Variants in PTK7 observed in about 807,000 individuals in gnomAD.
The protein encoded by PTK7 is inactive tyrosine-protein kinase 7.
PTK7 carries 39 observed loss-of-function variants against 116.6 expected under a neutral mutation model. The observed-to-expected ratio is 0.33, with a 90% confidence interval of 0.26 to 0.44. PTK7 has a LOEUF of 0.44. Ranked by LOEUF, PTK7 falls within the 20% of genes least tolerant of loss-of-function variation. PTK7 has a pLI of 1.00. For missense variants in PTK7, 1,169 were observed against 1,425.6 expected, an observed-to-expected ratio of 0.82 and a Z score of 2.90; for synonymous variants, 546 against 563.6, an observed-to-expected ratio of 0.97 and a Z score of 0.44.
chr6:43,080,954 T>TACAC (rs59525398), intron 1 of PTK7, among the ~76,000 whole-genome samples: 21,031 of 148,214 alleles, frequency 0.14, 2,010 homozygotes, highest in African/African-American at 0.27. Flanking sequence ...AAAAAAAAAA[T>TACAC]ACACACACAC....
rs370981773 is a variant in PTK7 at position 43,141,868 on chromosome 6, C to T, written c.1768+51C>T. The stretch of plus-strand genomic sequence containing the variant: ...CTGGGAGGGCCCTCTGGGGTAGCAC[C>T]GTGTACCCTGCCAGCCCCTTGGCTT... On this transcript the variant is annotated intron_variant, in intron 11 of 19. Coordinates refer to ENST00000230419, the MANE Select transcript of PTK7 (RefSeq NM_002821.5). This position sits in a 1 kb window ranked among gnomAD's most constrained non-coding sequence, Gnocchi z 4.9. The T allele has an allele frequency of 1.4e-5, 22 of 1,600,930 alleles. No individual in the cohort carries two copies. The highest frequency in any genetic ancestry group is 6.7e-5 in the Admixed American group (4 of 59,522).
intron 1 of PTK7, among the ~76,000 whole-genome samples, chr6:43,121,276 G>A (rs1456109889): frequency 6.6e-6 from 1 of 152,180 alleles, no homozygotes; most frequent in African/African-American, 2.4e-5. Flanking sequence ...GGCCTCCTGG[G>A]AGTGGGACAG....
Position 43,132,058 on chromosome 6 carries a change from TCTG to T in PTK7, c.862_864del (p.Leu288del). ...GAGCCACAGTGTTTGCCAACGGGTC[TCTG>T]CTGCTGACCCAGGTCCGGCCACGCA... On this transcript the variant is annotated inframe_deletion, in exon 6 of 20. Transcript: ENST00000230419. 1.2e-6 allele frequency: 2 copies of T among 1,614,106 alleles called. No individual in the cohort carries two copies. The highest frequency in any genetic ancestry group is 1.7e-6 in the Non-Finnish European group (2 of 1,180,038).
intron 1 of PTK7, among the ~76,000 whole-genome samples, chr6:43,107,850 A>T (rs1767978476): frequency 6.6e-6 from 1 of 152,230 alleles, no homozygotes; most frequent in Non-Finnish European, 1.5e-5. Context: ...CGGGCGAGGC[A>T]TCTGCCATGG....
At chr6:43,122,533 C>A (rs116361919) in intron 1 of PTK7, among the ~76,000 whole-genome samples, 1,527 of 152,186 alleles carry the variant, frequency 0.01, 23 homozygotes, top group African/African-American at 0.035. Flanking sequence ...CCACCTTGAC[C>A]TGGACTCTAG....
At chr6:43,085,856 C>A (rs910747202) in intron 1 of PTK7, among the ~76,000 whole-genome samples, 17 of 151,618 alleles carry the variant, frequency 1.1e-4, no homozygotes, top group Non-Finnish European at 1.5e-5. Context: ...TCGCTTGAAC[C>A]CGGGAGGCCG....
chr6:43,102,479 C>A (rs1767638952), intron 1 of PTK7, among the ~76,000 whole-genome samples: 1 of 151,818 alleles, frequency 6.6e-6, no homozygotes, highest in African/African-American at 2.4e-5. Flanking sequence ...ATACCAGCTA[C>A]TTGGGAGACT....
In PTK7 at chr6:43,129,472, C is replaced by CATTT; in HGVS notation, c.367+211_367+214dup. On this transcript the variant is annotated intron_variant, in intron 2 of 19. Transcript: ENST00000230419. The surrounding 1 kb of genome is among the most constrained non-coding windows in gnomAD (Gnocchi z 4.5). ...AATTTTTTCCTTCAAGTCTGGGACC[C>CATTT]ATTTATCTGCTGCATGCTTGTGCAA... is the stretch of plus-strand genomic sequence containing the variant. 1.3e-6 allele frequency: 1 copy of CATTT among 773,866 alleles called. No individual in the cohort carries two copies. Among genetic ancestry groups the CATTT allele is most frequent in the Non-Finnish European group, 2.0e-6 (1 of 495,336 alleles). The allele number at this position is 773,866 out of a possible 1,614,324, so 47.9% of individuals were successfully genotyped here. A position where few individuals can be genotyped will look rare whatever the true frequency, so the allele number is the denominator to read the frequency against.
At chr6:43,115,851 C>T (rs2150408233) in intron 1 of PTK7, among the ~76,000 whole-genome samples, 1 of 150,824 alleles carries the variant, frequency 6.6e-6, no homozygotes, top group South Asian at 2.1e-4. Context: ...TTGCTTGAGC[C>T]CAGGAGGCGG....
rs1770280595 is a variant in PTK7, at chr6:43,139,833, G to A, written c.1618+308G>A. On this transcript the variant is annotated intron_variant, in intron 10 of 19. Transcript: ENST00000230419. This position sits in a 1 kb window ranked among gnomAD's most constrained non-coding sequence, Gnocchi z 4.6. ...TTTCCAACATAAAAATTACATGGAG[G>A]CCGTGCATAGTGGCTCACGCCTGTA... Among the ~76,000 whole-genome samples, 1 of 152,210 alleles carries A rather than the reference G, an allele frequency of 6.6e-6. No homozygotes were observed. The highest frequency in any genetic ancestry group is 1.5e-5 in the Non-Finnish European group (1 of 68,040).
intron 1 of PTK7, among the ~76,000 whole-genome samples, chr6:43,099,773 T>G (rs1040687695): frequency 6.6e-6 from 1 of 152,210 alleles, no homozygotes; most frequent in Non-Finnish European, 1.5e-5. Flanking sequence ...ATGACTGAAA[T>G]TTATTAAAGA....
chr6:43,100,315 G>A (rs1161164306), intron 1 of PTK7, among the ~76,000 whole-genome samples: 8 of 151,364 alleles, frequency 5.3e-5, no homozygotes, highest in Admixed American at 4.6e-4. Context: ...CCCAGGAGGC[G>A]GAGCCTGCAG....
In PTK7 at chr6:43,142,177, A is replaced by T. The variant is rs1461119644; in HGVS notation, c.1925A>T (p.His642Leu). 1 of 1,613,928 alleles carries T rather than the reference A, an allele frequency of 6.2e-7. No individual in the cohort carries two copies. Among genetic ancestry groups the T allele is most frequent in the South Asian group, 1.1e-5 (1 of 91,080 alleles). The change falls in exon 13 of 20, where the codon CAC becomes CTC. Residue 642 changes from histidine (H) to leucine (L), a missense_variant. Physicochemically the swap from His to Leu is moderately conservative, Grantham distance 99 (BLOSUM62 -3). Coordinates refer to ENST00000230419, the MANE Select transcript of PTK7 (RefSeq NM_002821.5). Reference protein sequence around the residue: ...LDPTKLGPRMHIFQNGSLVIH... With the variant: ...LDPTKLGPRMLIFQNGSLVIH... Reference sequence around the variant, plus strand: ...TATGGCTTCTCCCCCGACAGGATGCACATCTTCCAGAATGGCTCCCTGGTG... The same window carrying T: ...TATGGCTTCTCCCCCGACAGGATGCTCATCTTCCAGAATGGCTCCCTGGTG...
chr6:43,105,214 C>G (rs898402147), intron 1 of PTK7, among the ~76,000 whole-genome samples: 1 of 151,056 alleles, frequency 6.6e-6, no homozygotes, highest in South Asian at 2.1e-4. Context: ...TGGAAGTCAT[C>G]CTACAGAAAC....
Position 43,139,548 on chromosome 6 carries a change from G to T in PTK7, c.1618+23G>T, listed in dbSNP as rs1170311893. ...CAGGTGGGTACAGTGCCGGCATAGG[G>T]TAGGGGCAGGCAGGCAGTTCACTGA... On this transcript the variant is annotated intron_variant, in intron 10 of 19. Coordinates refer to ENST00000230419, the MANE Select transcript of PTK7 (RefSeq NM_002821.5). This position sits in a 1 kb window ranked among gnomAD's most constrained non-coding sequence, Gnocchi z 4.6. The T allele has an allele frequency of 1.9e-6, 3 of 1,613,420 alleles. No homozygotes were observed. The highest frequency in any genetic ancestry group is 1.7e-5 in the Admixed American group (1 of 59,994).
In PTK7 at chr6:43,126,146, C is replaced by G. The variant is rs1582147448; in HGVS notation, c.80-2831C>G. 2.6e-5 allele frequency among the ~76,000 whole-genome samples: 4 copies of G among 152,114 alleles called. 1 individual carries two copies. The East Asian group carries it at 7.7e-4, about 29-fold the overall frequency. On this transcript the variant is annotated intron_variant, in intron 1 of 19. Coordinates refer to ENST00000230419, the MANE Select transcript of PTK7 (RefSeq NM_002821.5). ...ACTAGCCTGGCCAACATGGTGAAACCCTGTCTCCACAAAAAATACAAAAAT... is the reference window on the plus strand; with the variant it reads ...ACTAGCCTGGCCAACATGGTGAAACGCTGTCTCCACAAAAAATACAAAAAT...
In PTK7 at chr6:43,139,067, C is replaced by A; in HGVS notation, c.1363-69C>A. On this transcript the variant is annotated intron_variant, in intron 8 of 19. Transcript: ENST00000230419. The surrounding 1 kb of genome is among the most constrained non-coding windows in gnomAD (Gnocchi z 4.6). Reference sequence around the variant, plus strand: ...TGTGCTCACCTCCATAGCACTCTTACCCTGGAGGCAGCCTCCAGGGAGAGG... The same window carrying A: ...TGTGCTCACCTCCATAGCACTCTTAACCTGGAGGCAGCCTCCAGGGAGAGG... 1 of 1,609,850 alleles carries A rather than the reference C, an allele frequency of 6.2e-7. No individual in the cohort carries two copies. The highest frequency in any genetic ancestry group is 1.7e-4 in the Middle Eastern group (1 of 6,054).
chr6:43,129,685 G>T lies in PTK7; in HGVS notation c.368-42G>T, dbSNP rs760684735. On this transcript the variant is annotated intron_variant, in intron 2 of 19. Transcript: ENST00000230419. The surrounding 1 kb of genome is among the most constrained non-coding windows in gnomAD (Gnocchi z 4.5). ...CCTTGCCCTCTGCCTTCCCGCCTTT[G>T]CCCTGCTCTGCCCCTCACTGCAACC... 38 of 1,567,260 alleles carry T rather than the reference G, an allele frequency of 2.4e-5. No individual in the cohort carries two copies. Among genetic ancestry groups the T allele is most frequent in the Middle Eastern group, 1.7e-4 (1 of 5,962 alleles).
In PTK7 at chr6:43,139,652, G is replaced by C; in HGVS notation, c.1618+127G>C. The C allele has an allele frequency of 7.1e-7, 1 of 1,417,750 alleles. No homozygotes were observed. The highest frequency in any genetic ancestry group is 9.5e-7 in the Non-Finnish European group (1 of 1,055,146). 87.8% of individuals were successfully genotyped at this position (1,417,750 alleles called of 1,614,324 possible). A position where few individuals can be genotyped will look rare whatever the true frequency, so the allele number is the denominator to read the frequency against. On this transcript the variant is annotated intron_variant, in intron 10 of 19. Transcript: ENST00000230419. The surrounding 1 kb of genome is among the most constrained non-coding windows in gnomAD (Gnocchi z 4.6). ...GAGATTAGACAAGCAGTGCAGGGCT[G>C]ATGTATAGTTTAGTTAGGAAGGAAA...
Sources: gnomAD v4.1 joint callset for allele counts (sites outside exome capture counted in the v4.1 genomes callset) on GRCh38, gnomAD v4.1.1 for gene constraint, Gnocchi (gnomAD v3.1) non-coding constraint, MANE v1.5 for transcripts, NCBI Gene and HGNC (gene_info 2026-07-23, HGNC 2026-07-21) for gene names.